The following PARD6B variants were observed in gnomAD, a reference collection of about 807,000 sequenced individuals.
PARD6B encodes par-6 family cell polarity regulator beta, also known as partitioning defective 6 homolog beta.
Under a neutral mutation model 10.5 loss-of-function variants are expected in PARD6B, and 4 were observed. The observed-to-expected ratio is 0.38, with a 90% confidence interval of 0.19 to 0.87. The LOEUF (loss-of-function observed/expected upper bound fraction) is 0.87. Ranked by LOEUF, PARD6B falls within the 40% of genes least tolerant of loss-of-function variation. PARD6B has a pLI of 0.41. For missense variants in PARD6B, 396 were observed against 470.6 expected (o/e 0.84, Z 1.47); for synonymous variants, 169 against 170.4 (o/e 0.99, Z 0.07).
At chr20:50,746,743 T>C (rs2087569603) in intron 2 of PARD6B, among the ~76,000 whole-genome samples, 1 of 152,228 alleles carries the variant, frequency 6.6e-6, no homozygotes, top group Non-Finnish European at 1.5e-5. Context: ...TATGCAGATT[T>C]GGAGTTTATT....
At position 50,752,741 on chromosome 20, in the gene PARD6B, AAT is replaced by A; in HGVS notation, c.*2260_*2261del. On this transcript the variant is annotated 3_prime_UTR_variant, in exon 3 of 3. Transcript: ENST00000371610. Reference sequence around the variant, plus strand: ...GAAGGATGTTTTCTCTATATGGTAAAATATATATGAAGAAGTCTTGATTACGT... The same window carrying A: ...GAAGGATGTTTTCTCTATATGGTAAAATATATGAAGAAGTCTTGATTACGT... 1 of 982,108 alleles carries A rather than the reference AAT, an allele frequency of 1.0e-6. No homozygotes were observed. Among genetic ancestry groups the A allele is most frequent in the Non-Finnish European group, 1.2e-6 (1 of 826,534 alleles). 60.8% of individuals were successfully genotyped at this position (982,108 alleles called of 1,614,324 possible).
chr20:50,734,124 A>G (rs1211331115), intron 1 of PARD6B, among the ~76,000 whole-genome samples: 1 of 152,240 alleles, frequency 6.6e-6, no homozygotes, highest in Non-Finnish European at 1.5e-5. Flanking sequence ...TAGGCAAGAT[A>G]TAGGTAGTGA....
chr20:50,745,693 G>A (rs1448304731), intron 2 of PARD6B, among the ~76,000 whole-genome samples: 3 of 152,118 alleles, frequency 2.0e-5, no homozygotes, highest in Admixed American at 2.0e-4. Flanking sequence ...TTTTTGTAGA[G>A]ACAGGGTCCT....
At position 50,752,410 on chromosome 20, in the gene PARD6B, CACCTGTGACAGGT is replaced by C. The variant is rs2087618440; in HGVS notation, c.*1924_*1936del. 1.0e-6 allele frequency: 1 copy of C among 985,382 alleles called. No individual in the cohort carries two copies. Among genetic ancestry groups the C allele is most frequent in the African/African-American group, 1.7e-5 (1 of 57,170 alleles). The allele number at this position is 985,382 out of a possible 1,614,324, so 61.0% of individuals were successfully genotyped here. On this transcript the variant is annotated 3_prime_UTR_variant, in exon 3 of 3. Transcript: ENST00000371610. The stretch of plus-strand genomic sequence containing the variant: ...CACTTTATGAAAACTACATAGTATT[CACCTGTGACAGGT>C]AGAGTTTATCACTATTAATTTTATG...
At position 50,750,206 on chromosome 20, in the gene PARD6B, G is replaced by T. The variant is rs41283604; in HGVS notation, c.837G>T (p.Gln279His). ...TDNSLLGYPQQIEPSFEPEDE... is the reference protein window; with the variant it reads ...TDNSLLGYPQHIEPSFEPEDE... ...ACAGCCTTCTTGGCTACCCACAGCA[G>T]ATTGAACCAAGCTTTGAGCCAGAGG... The change falls in exon 3 of 3, where the codon CAG becomes CAT. Residue 279 changes from glutamine to histidine, a missense_variant. Coordinates refer to ENST00000371610, the MANE Select transcript of PARD6B (RefSeq NM_032521.3). The T allele has an allele frequency of 0.015, 24,002 of 1,614,210 alleles. 212 individuals are homozygous for T. Among genetic ancestry groups the T allele is most frequent in the Non-Finnish European group, 0.018 (20,908 of 1,180,034 alleles).
chr20:50,732,606 G>A (rs997603238), intron 1 of PARD6B, among the ~76,000 whole-genome samples: 1 of 152,142 alleles, frequency 6.6e-6, no homozygotes, highest in Non-Finnish European at 1.5e-5. Flanking sequence ...CCTTCCAAAG[G>A]GGGTTTTGAG....
At chr20:50,740,238 A>G (rs527332364) in intron 2 of PARD6B, among the ~76,000 whole-genome samples, 101 of 152,322 alleles carry the variant, frequency 6.6e-4, no homozygotes, top group Admixed American at 3.2e-3. Flanking sequence ...GAACCTTGGA[A>G]AGCTATATAT....
At chr20:50,744,838 G>A (rs2087556863) in intron 2 of PARD6B, among the ~76,000 whole-genome samples, 3 of 152,110 alleles carry the variant, frequency 2.0e-5, no homozygotes, top group Admixed American at 1.3e-4. Flanking sequence ...GCCAGGCCAG[G>A]TCCCCTTTAC....
chr20:50,747,893 A>T (rs1014301248), intron 2 of PARD6B, among the ~76,000 whole-genome samples: 1 of 152,200 alleles, frequency 6.6e-6, no homozygotes, highest in African/African-American at 2.4e-5. Context: ...ATGAGGCAGG[A>T]GCTCTCCAGT....
chr20:50,746,371 T>C (rs2087567883), intron 2 of PARD6B, among the ~76,000 whole-genome samples: 1 of 152,252 alleles, frequency 6.6e-6, no homozygotes, highest in Admixed American at 6.5e-5. Context: ...GCCGAGATCA[T>C]TGGCTGAAGA....
chr20:50,745,241 C>G (rs1245459892), intron 2 of PARD6B, among the ~76,000 whole-genome samples: 1 of 152,108 alleles, frequency 6.6e-6, no homozygotes, highest in East Asian at 1.9e-4. Flanking sequence ...ACCAGCCTGA[C>G]CAACATGGTG....
chr20:50,739,870 G>GA (rs2087521033), intron 2 of PARD6B, among the ~76,000 whole-genome samples: 1 of 24,718 alleles, frequency 4.0e-5, no homozygotes, highest in Admixed American at 7.1e-4. Flanking sequence ...AGAGGGGAAG[G>GA]GTGGGGGGAG....
At chr20:50,742,051 A>G (rs532721574) in intron 2 of PARD6B, among the ~76,000 whole-genome samples, 2 of 152,112 alleles carry the variant, frequency 1.3e-5, no homozygotes, top group African/African-American at 4.8e-5. Flanking sequence ...CTTAATATGT[A>G]CTGGTGTTTT....
chr20:50,745,663 C>G (rs1404374957), intron 2 of PARD6B, among the ~76,000 whole-genome samples: 1 of 152,084 alleles, frequency 6.6e-6, no homozygotes, highest in Non-Finnish European at 1.5e-5. Context: ...ACCACCATGC[C>G]CAGCTAATTT....
Position 50,751,211 on chromosome 20 carries a change from C to G in PARD6B, c.*723C>G. 2 of 919,932 alleles carry G rather than the reference C, an allele frequency of 2.2e-6. No homozygotes were observed. Among genetic ancestry groups the G allele is most frequent in the Non-Finnish European group, 2.6e-6 (2 of 771,050 alleles). The allele number at this position is 919,932 out of a possible 1,614,324, so 57.0% of individuals were successfully genotyped here. ...TCTTGAACTCCTGGGCTTAAGCAGT[C>G]CTGCCTCGGCTTCCCAAAATGCTAG... On this transcript the variant is annotated 3_prime_UTR_variant, in exon 3 of 3. Coordinates refer to ENST00000371610, the MANE Select transcript of PARD6B (RefSeq NM_032521.3).
At chr20:50,734,968 G>A (rs1233103372) in intron 1 of PARD6B, among the ~76,000 whole-genome samples, 3 of 152,124 alleles carry the variant, frequency 2.0e-5, no homozygotes, top group Admixed American at 6.5e-5. Flanking sequence ...TGGCCAACAC[G>A]GTGAAACCCT....
chr20:50,742,555 A>G (rs181538039), intron 2 of PARD6B, among the ~76,000 whole-genome samples: 111 of 151,572 alleles, frequency 7.3e-4, no homozygotes, highest in African/African-American at 2.6e-3. Flanking sequence ...CAGTAGAGAC[A>G]CGGTTTCACG....
At chr20:50,748,935 A>AGGCTGAGGCGGGAGGATC (rs2087583959) in intron 2 of PARD6B, among the ~76,000 whole-genome samples, 1 of 152,184 alleles carries the variant, frequency 6.6e-6, no homozygotes, top group South Asian at 2.1e-4. Context: ...GCACATTGAG[A>AGGCTGAGGCGGGAGGATC]GGCTGAGGCG....
chr20:50,740,521 G>A (rs941982580), intron 2 of PARD6B, among the ~76,000 whole-genome samples: 1 of 151,904 alleles, frequency 6.6e-6, no homozygotes, highest in South Asian at 2.1e-4. Flanking sequence ...ATCTTTTAAG[G>A]GTAGTTATCT....
Sources: gnomAD v4.1 joint callset for allele counts (sites outside exome capture counted in the v4.1 genomes callset) on GRCh38, gnomAD v4.1.1 for gene constraint, MANE v1.5 for transcripts, NCBI Gene and HGNC (gene_info 2026-07-23, HGNC 2026-07-21) for gene names.